The following ZNF628 variants were observed in gnomAD, a reference collection of about 807,000 sequenced individuals.
ZNF628 encodes the protein zinc finger protein 628.
A neutral mutation model predicts 2.5 loss-of-function variants in ZNF628; 3 were observed. The observed-to-expected ratio is 1.19, with a 90% CI of 0.54 to 3.07. ZNF628 has a LOEUF of 3.07. Ranked by LOEUF, ZNF628 falls within the 30% of genes most tolerant of loss-of-function variation. The pLI, the probability that ZNF628 is intolerant of heterozygous loss-of-function variation, is 0.03. For missense variants in ZNF628, 1,610 were observed against 1,517.1 expected, an observed-to-expected ratio of 1.06 and a Z score of -1.02; for synonymous variants, 861 against 717.1, an observed-to-expected ratio of 1.20 and a Z score of -3.21.
In ZNF628 at chr19:55,483,750, A is replaced by G. The variant is rs1315474930; in HGVS notation, c.2557A>G (p.Thr853Ala). 1 of 1,612,656 alleles carries G rather than the reference A, an allele frequency of 6.2e-7. No homozygotes were observed. Among genetic ancestry groups the G allele is most frequent in the Non-Finnish European group, 8.5e-7 (1 of 1,179,254 alleles). Residue 853 changes from threonine (T) to alanine (A), a missense_variant, in exon 3 of 3, where the codon ACG becomes GCG. By Grantham distance (58) the Thr-to-Ala change is moderately conservative. Transcript: ENST00000598519. ...VQLQPAQEVT[T>A]VQLQPAQEVT... ...GCTCCAGCCAGCACAGGAAGTAACC[A>G]CGGTCCAGCTCCAGCCAGCACAGGA... is the stretch of plus-strand genomic sequence containing the variant.
In ZNF628 at chr19:55,481,863, C is replaced by A; in HGVS notation, c.670C>A (p.Arg224Ser). ...THSSNLLLHQ[R>S]THGAAPAPGT... ...CTCCTCCAACCTGCTGCTGCACCAG[C>A]GCACGCACGGCGCCGCCCCCGCCCC... Residue 224 changes from arginine to serine, a missense_variant, in exon 3 of 3, where the codon CGC (arginine) becomes AGC (serine). Transcript: ENST00000598519. The A allele has an allele frequency of 6.4e-7, 1 of 1,574,314 alleles. No homozygotes were observed. Among genetic ancestry groups the A allele is most frequent in the Non-Finnish European group, 8.6e-7 (1 of 1,162,694 alleles).
At chr19:55,477,431 C>T (rs769876225) in intron 1 of ZNF628, among the ~76,000 whole-genome samples, 3 of 148,684 alleles carry the variant, frequency 2.0e-5, no homozygotes, top group Non-Finnish European at 4.4e-5. Context: ...CGCGATCTAA[C>T]CTGCTTACAT....
Position 55,482,843 on chromosome 19 carries a change from G to C in ZNF628, c.1650G>C (p.Thr550=). ...AGTGTGGCAAGGCCTTCCGCAACAC[G>C]TCGTGCCTGCGTCGCCACCGCCACG... ...CGECGKAFRN[T]SCLRRHRHVH... Residue 550 remains threonine (T), a synonymous_variant, in exon 3 of 3, where the codon ACG becomes ACC. Coordinates refer to ENST00000598519, the MANE Select transcript of ZNF628 (RefSeq NM_033113.3). 1.2e-6 allele frequency: 2 copies of C among 1,602,606 alleles called. No individual in the cohort carries two copies. Among genetic ancestry groups the C allele is most frequent in the Non-Finnish European group, 8.5e-7 (1 of 1,172,454 alleles).
chr19:55,483,134 C>T lies in ZNF628; in HGVS notation c.1941C>T (p.Ala647=), dbSNP rs1384390544. 1.9e-6 allele frequency: 3 copies of T among 1,585,784 alleles called. No individual in the cohort carries two copies. Among genetic ancestry groups the T allele is most frequent in the African/African-American group, 1.3e-5 (1 of 74,468 alleles). The change falls in exon 3 of 3, where the codon GCC becomes GCT. Residue 647 remains alanine (A), a synonymous_variant. Coordinates refer to ENST00000598519, the MANE Select transcript of ZNF628 (RefSeq NM_033113.3). ...GGCACCTGAGGACGCACGCCCCGGC[C>T]AACACGCCTCCCAGCACCACAGCCC... The part of the protein sequence containing the change: ...LQRHLRTHAP[A]NTPPSTTAPA...
chr19:55,478,490 G>T (rs1192223938), intron 1 of ZNF628, among the ~76,000 whole-genome samples: 2 of 152,234 alleles, frequency 1.3e-5, no homozygotes, highest in African/African-American at 4.8e-5. Flanking sequence ...GGCCAGTGAG[G>T]ATAGCAGTAG....
intron 1 of ZNF628, among the ~76,000 whole-genome samples, 155 bp downstream of exon 1, chr19:55,476,962 C>T (rs998089310): frequency 2.0e-5 from 3 of 152,172 alleles, no homozygotes; most frequent in Non-Finnish European, 4.4e-5. Flanking sequence ...CCGGGTCCGC[C>T]CTCTTAAAGG....
In ZNF628 at chr19:55,483,736, C is replaced by T. The variant is rs1010086901; in HGVS notation, c.2543C>T (p.Ala848Val). The change falls in exon 3 of 3, where the codon GCA (alanine) becomes GTA (valine). Residue 848 changes from alanine to valine, a missense_variant. Ala to Val is a moderately conservative substitution (Grantham distance 64, BLOSUM62 0). Around this residue, in one of 5 missense-constraint regions of ZNF628, gnomAD observed 712 missense variants for 603.6 expected, o/e 1.18. Coordinates refer to ENST00000598519, the MANE Select transcript of ZNF628 (RefSeq NM_033113.3). ...GTGACCACAGTCCAGCTCCAGCCAGCACAGGAAGTAACCACGGTCCAGCTC... is the reference window on the plus strand; with the variant it reads ...GTGACCACAGTCCAGCTCCAGCCAGTACAGGAAGTAACCACGGTCCAGCTC... ...QEVTTVQLQP[A>V]QEVTTVQLQP... 6.2e-7 allele frequency: 1 copy of T among 1,612,644 alleles called. No individual in the cohort carries two copies. Among genetic ancestry groups the T allele is most frequent in the Admixed American group, 1.7e-5 (1 of 59,944 alleles).
In ZNF628 at chr19:55,482,021, G is replaced by GCCCCCA; in HGVS notation, c.831_832insCCACCC (p.Pro276_Pro277dup). ...CTCCCGCCCCGCCGCCCCCGCCCCCGCCCGTGGTGCCTGAGCTCTTTTTGG... is the reference window on the plus strand; with the variant it reads ...CTCCCGCCCCGCCGCCCCCGCCCCCGCCCCCACCCGTGGTGCCTGAGCTCTTTTTGG... On this transcript the variant is annotated inframe_insertion, in exon 3 of 3. Transcript: ENST00000598519. 8.5e-7 allele frequency: 1 copy of GCCCCCA among 1,177,298 alleles called. No individual in the cohort carries two copies. Among genetic ancestry groups the GCCCCCA allele is most frequent in the Non-Finnish European group, 1.1e-6 (1 of 935,972 alleles). The allele number at this position is 1,177,298 out of a possible 1,614,324, so 72.9% of individuals were successfully genotyped here.
rs1986803574 is a variant in ZNF628, at chr19:55,483,360, C to T, written c.2167C>T (p.Leu723=). 1.3e-6 allele frequency: 2 copies of T among 1,541,588 alleles called. No homozygotes were observed. The highest frequency in any genetic ancestry group is 1.7e-6 in the Non-Finnish European group (2 of 1,145,702). Residue 723 remains leucine, a synonymous_variant, in exon 3 of 3, where the codon CTG becomes TTG. Coordinates refer to ENST00000598519, the MANE Select transcript of ZNF628 (RefSeq NM_033113.3). ...GGTGCAAACTGCCCAGGGCCTCCAGCTGATCCCCAGCAGCGTGCAGCCCCC... is the reference window on the plus strand; with the variant it reads ...GGTGCAAACTGCCCAGGGCCTCCAGTTGATCCCCAGCAGCGTGCAGCCCCC... The part of the protein sequence containing the change: ...LLVQTAQGLQ[L]IPSSVQPPTP...
In ZNF628 at chr19:55,484,412, C is replaced by A. The variant is rs1224548624; in HGVS notation, c.*39C>A. On this transcript the variant is annotated 3_prime_UTR_variant, in exon 3 of 3. Transcript: ENST00000598519. The stretch of plus-strand genomic sequence containing the variant: ...TTCCCCTCCCGCCCCGCACAGAGAC[C>A]CCGACTCACTGCCAGCCGGGGCGGG... The A allele has an allele frequency of 1.4e-6, 2 of 1,416,160 alleles. No homozygotes were observed. Among genetic ancestry groups the A allele is most frequent in the Non-Finnish European group, 1.9e-6 (2 of 1,080,014 alleles). 87.7% of individuals were successfully genotyped at this position (1,416,160 alleles called of 1,614,324 possible). A position where few individuals can be genotyped will look rare whatever the true frequency, so the allele number is the denominator to read the frequency against.
At position 55,482,151 on chromosome 19, in the gene ZNF628, G is replaced by T; in HGVS notation, c.958G>T (p.Asp320Tyr). ...LLEHQPCPGP[D>Y]AAPQPQEAPA... ...GGAGCACCAGCCGTGCCCCGGGCCCGATGCGGCGCCCCAGCCCCAGGAGGC... is the reference window on the plus strand; with the variant it reads ...GGAGCACCAGCCGTGCCCCGGGCCCTATGCGGCGCCCCAGCCCCAGGAGGC... Residue 320 changes from aspartate to tyrosine, a missense_variant, in exon 3 of 3, where the codon GAT becomes TAT. Around this residue, in one of 5 missense-constraint regions of ZNF628, gnomAD observed 651 missense variants for 575.6 expected, o/e 1.13. Coordinates refer to ENST00000598519, the MANE Select transcript of ZNF628 (RefSeq NM_033113.3). The T allele has an allele frequency of 6.7e-7, 1 of 1,499,716 alleles. No individual in the cohort carries two copies. The allele number at this position is 1,499,716 out of a possible 1,614,324, so 92.9% of individuals were successfully genotyped here.
rs1203722127 is a variant in ZNF628 at position 55,481,597 on chromosome 19, A to G, written c.404A>G (p.Tyr135Cys). The G allele has an allele frequency of 1.2e-6, 2 of 1,601,808 alleles. No individual in the cohort carries two copies. Among genetic ancestry groups the G allele is most frequent in the East Asian group, 2.3e-5 (1 of 44,268 alleles). The change falls in exon 3 of 3, where the codon TAC becomes TGC. Residue 135 changes from tyrosine (Y) to cysteine (C), a missense_variant. Coordinates refer to ENST00000598519, the MANE Select transcript of ZNF628 (RefSeq NM_033113.3). The part of the protein sequence containing the change: ...CGLAFKWSSH[Y>C]QYHLRQHTGE... ...CTGGCCTTCAAGTGGTCGTCCCACTACCAGTACCACTTAAGGCAGCACACA... is the reference window on the plus strand; with the variant it reads ...CTGGCCTTCAAGTGGTCGTCCCACTGCCAGTACCACTTAAGGCAGCACACA...
rs1354462626 is a variant in ZNF628, at chr19:55,484,148, G to A, written c.2955G>A (p.Leu985=). ...TCCGCAGCGCCCCAGCCACTGAGCT[G>A]CTGGACAGCAGCAACACTGGAGGAG... ...LIIRSAPATE[L]LDSSNTGGGT... Residue 985 remains leucine (L), a synonymous_variant, in exon 3 of 3, where the codon CTG becomes CTA. Transcript: ENST00000598519. 1 of 1,582,962 alleles carries A rather than the reference G, an allele frequency of 6.3e-7. No individual in the cohort carries two copies. The highest frequency in any genetic ancestry group is 8.6e-7 in the Non-Finnish European group (1 of 1,166,356).
Position 55,483,203 on chromosome 19 carries a change from G to A in ZNF628, c.2010G>A (p.Arg670=), listed in dbSNP as rs577993609. The change falls in exon 3 of 3, where the codon CGG becomes CGA. Residue 670 remains arginine, a synonymous_variant. Transcript: ENST00000598519. ...CCCCTGCTCCACTGGCTGCTGCGCG[G>A]GCCCCGCCAGCCACCCAAGATGTCC... is the stretch of plus-strand genomic sequence containing the variant. ...PQPPAPLAAA[R]APPATQDVHV... 2.6e-6 allele frequency: 4 copies of A among 1,543,574 alleles called. No individual in the cohort carries two copies. The East Asian group carries it at 9.7e-5, about 37-fold the overall frequency.
Position 55,482,693 on chromosome 19 carries a change from C to T in ZNF628, c.1500C>T (p.His500=). ...AFKRSSLLAI[H]QRVHTGLRAF... ...AGCGCTCCTCCCTGCTGGCCATCCA[C>T]CAGCGGGTGCACACGGGCCTGCGGG... The change falls in exon 3 of 3, where the codon CAC becomes CAT. Residue 500 remains histidine (H), a synonymous_variant. Coordinates refer to ENST00000598519, the MANE Select transcript of ZNF628 (RefSeq NM_033113.3). The T allele has an allele frequency of 1.9e-6, 3 of 1,612,796 alleles. No homozygotes were observed. The highest frequency in any genetic ancestry group is 2.5e-6 in the Non-Finnish European group (3 of 1,179,540).
In ZNF628 at chr19:55,483,066, C is replaced by A. The variant is rs759401484; in HGVS notation, c.1873C>A (p.Pro625Thr). 6.2e-7 allele frequency: 1 copy of A among 1,610,614 alleles called. No homozygotes were observed. Among genetic ancestry groups the A allele is most frequent in the Non-Finnish European group, 8.5e-7 (1 of 1,179,448 alleles). Residue 625 changes from proline (P) to threonine (T), a missense_variant, in exon 3 of 3, where the codon CCC (proline) becomes ACC (threonine). Coordinates refer to ENST00000598519, the MANE Select transcript of ZNF628 (RefSeq NM_033113.3). ...THSAERPFTC[P>T]ICGRGFVMAA... The stretch of plus-strand genomic sequence containing the variant: ...CTCGGCGGAGCGCCCCTTCACCTGC[C>A]CCATCTGCGGTCGCGGCTTCGTTAT...
At chr19:55,477,190 C>T (rs892510136) in intron 1 of ZNF628, among the ~76,000 whole-genome samples, 2 of 152,198 alleles carry the variant, frequency 1.3e-5, no homozygotes, top group Non-Finnish European at 2.9e-5. Context: ...GCAGCATCCC[C>T]TTAAAGGGGA....
Position 55,483,771 on chromosome 19 carries a change from C to T in ZNF628, c.2578C>T (p.Gln860Ter). Residue 860 changes from glutamine (Q) to a stop codon, truncating the protein, a stop_gained, in exon 3 of 3, where the codon CAG becomes TAG. Transcript: ENST00000598519. LOFTEE classifies it low-confidence loss of function (END_TRUNC). ...AACCACGGTCCAGCTCCAGCCAGCA[C>T]AGGAGGTGACCACGGTCCAGCTCCA... ...EVTTVQLQPA[Q>*]EVTTVQLQPV... 1 of 1,613,596 alleles carries T rather than the reference C, an allele frequency of 6.2e-7. No individual in the cohort carries two copies. Among genetic ancestry groups the T allele is most frequent in the Non-Finnish European group, 8.5e-7 (1 of 1,179,664 alleles).
Position 55,484,232 on chromosome 19 carries a change from G to C in ZNF628, c.3039G>C (p.Ala1013=). 6.5e-7 allele frequency: 1 copy of C among 1,547,428 alleles called. No homozygotes were observed. Among genetic ancestry groups the C allele is most frequent in the Non-Finnish European group, 8.7e-7 (1 of 1,145,674 alleles). ...CGTCAGGCCCAGCCTCGGGCCCCGC[G>C]GGGCTCCCCGGGGCTCCAGCCTCCC... is the stretch of plus-strand genomic sequence containing the variant. The part of the protein sequence containing the change: ...PPPSGPASGP[A]GLPGAPASQM... The change falls in exon 3 of 3, where the codon GCG becomes GCC. Residue 1013 remains alanine, a synonymous_variant. Coordinates refer to ENST00000598519, the MANE Select transcript of ZNF628 (RefSeq NM_033113.3).
Sources: allele counts gnomAD v4.1 joint callset (sites outside exome capture counted in the v4.1 genomes callset), GRCh38; gene constraint gnomAD v4.1.1; regional missense constraint gnomAD v4.1.1; transcripts MANE v1.5; gene names NCBI Gene and HGNC (gene_info 2026-07-23, HGNC 2026-07-21).